Variants in DMD observed in about 807,000 individuals in gnomAD.
DMD encodes the protein mutant dystrophin.
In DMD, 63 loss-of-function variants were observed where a neutral mutation model predicts 330.1. The ratio of observed to expected loss-of-function variants is 0.19; its 90% CI spans 0.16 to 0.24. DMD has a LOEUF of 0.24. Ranked by LOEUF, DMD falls within the 10% of genes least tolerant of loss-of-function variation. DMD has a pLI of 1.00. For synonymous variants in DMD, 1,223 were observed against 959.8 expected (o/e 1.27, Z -5.07); for missense variants, 3,344 against 2,684.1 (o/e 1.25, Z -5.43).
At chrX:32,548,985 T>G (rs1369851562) in intron 16 of DMD, among the ~76,000 whole-genome samples, 2 of 112,093 alleles carry the variant, frequency 1.8e-5, no homozygotes. Context: ...CCAGTCACCT[T>G]TCTTCATTTT....
intron 9 of DMD, among the ~76,000 whole-genome samples, chrX:32,688,410 T>C (rs2063037810): frequency 8.9e-6 from 1 of 112,377 alleles, no homozygotes; most frequent in Non-Finnish European, 1.9e-5. Context: ...CATTCTACAT[T>C]TTTTGACTTA....
intron 45 of DMD, among the ~76,000 whole-genome samples, chrX:31,946,681 A>G (rs1315843304): frequency 9.0e-6 from 1 of 111,622 alleles, no homozygotes; most frequent in East Asian, 2.8e-4. Context: ...AATAGAGTCA[A>G]GGCAGTGTAA....
chrX:33,290,958 A>T (rs1359268379), intron 1 of DMD, among the ~76,000 whole-genome samples: 1 of 111,668 alleles, frequency 9.0e-6, no homozygotes, highest in East Asian at 2.8e-4. Context: ...CAACAAAAAA[A>T]GAAAATTTCA....
intron 41 of DMD, among the ~76,000 whole-genome samples, chrX:32,324,947 A>G (rs753408107): frequency 8.1e-5 from 9 of 111,403 alleles, no homozygotes; most frequent in Non-Finnish European, 1.5e-4. Context: ...ATAATCCAGA[A>G]ATGTAGAAGA....
At chrX:31,859,742 T>A (rs972333433) in intron 48 of DMD, among the ~76,000 whole-genome samples, 1 of 112,652 alleles carries the variant, frequency 8.9e-6, no homozygotes, top group Non-Finnish European at 1.9e-5. Flanking sequence ...CCAAATTTTT[T>A]AAAAAGTTAT....
chrX:32,614,386 T>C lies in DMD; in HGVS notation c.1399A>G (p.Thr467Ala). ...LKELNDWLTKTEERTRKMEEE... is the reference protein window; with the variant it reads ...LKELNDWLTKAEERTRKMEEE... Reference sequence around the variant, plus strand: ...TCCATTTTCCTTGTTCTTTCTTCTGTTTTTGTTAGCCAGTCATTCAACTCT... The same window carrying C: ...TCCATTTTCCTTGTTCTTTCTTCTGCTTTTGTTAGCCAGTCATTCAACTCT... Residue 467 changes from threonine to alanine, a missense_variant, in exon 12 of 79, where the codon ACA becomes GCA. Coordinates refer to ENST00000357033, the MANE Select transcript of DMD (RefSeq NM_004006.3). 1 of 1,207,588 alleles carries C rather than the reference T, an allele frequency of 8.3e-7. No individual in the cohort carries two copies. The highest frequency in any genetic ancestry group is 1.1e-6 in the Non-Finnish European group (1 of 892,671).
At chrX:31,622,625 C>G (rs1206199397) in intron 55 of DMD, among the ~76,000 whole-genome samples, 2 of 108,955 alleles carry the variant, frequency 1.8e-5, no homozygotes, top group African/African-American at 6.7e-5. Flanking sequence ...ATCTGCAAAC[C>G]AGGAAGAGGG....
chrX:31,800,154 T>G (rs1031722171), intron 50 of DMD, among the ~76,000 whole-genome samples: 6 of 112,768 alleles, frequency 5.3e-5, no homozygotes, highest in Non-Finnish European at 1.1e-4. Context: ...CACTAGGCAG[T>G]GCCCCAGTGG....
intron 48 of DMD, among the ~76,000 whole-genome samples, chrX:31,848,615 T>G (rs2093468321): frequency 9.0e-6 from 1 of 111,057 alleles, no homozygotes; most frequent in Non-Finnish European, 1.9e-5. Flanking sequence ...CGAGGAGAGT[T>G]TGATTTTCTT....
At chrX:32,519,047 A>G (rs1250292417) in intron 17 of DMD, among the ~76,000 whole-genome samples, 11 of 73,341 alleles carry the variant, frequency 1.5e-4, no homozygotes, top group Non-Finnish European at 2.4e-4. Flanking sequence ...TGGAGCCACC[A>G]GGGATAAATT....
chrX:32,505,018 T>C (rs2044477783), intron 18 of DMD, among the ~76,000 whole-genome samples: 1 of 112,350 alleles, frequency 8.9e-6, no homozygotes, highest in Admixed American at 9.4e-5. Flanking sequence ...AGTTAATTAA[T>C]AATGAATCAA....
intron 52 of DMD, among the ~76,000 whole-genome samples, chrX:31,689,495 C>A (rs1047206488): frequency 7.1e-5 from 8 of 111,918 alleles, no homozygotes; most frequent in Non-Finnish European, 1.5e-4. Context: ...GAAGAACATT[C>A]CATGCTCATG....
chrX:31,360,327 CTCTT>C (rs998938380), intron 60 of DMD, among the ~76,000 whole-genome samples: 4 of 112,103 alleles, frequency 3.6e-5, no homozygotes, highest in African/African-American at 6.5e-5. Flanking sequence ...AATCAAGTCT[CTCTT>C]TCACCATGTC....
intron 51 of DMD, among the ~76,000 whole-genome samples, chrX:31,761,939 T>TA (rs935212699): frequency 2.7e-5 from 3 of 112,270 alleles, no homozygotes; most frequent in African/African-American, 9.7e-5. Flanking sequence ...CCTTCTTAGC[T>TA]AAAAAAATCC....
chrX:32,581,807 T>A (rs1314496170), intron 13 of DMD, among the ~76,000 whole-genome samples: 2 of 111,731 alleles, frequency 1.8e-5, no homozygotes, highest in African/African-American at 6.5e-5. Context: ...AAGGAAAAAC[T>A]ATGAATCAAA....
chrX:32,615,485 G>C (rs1232524484), intron 11 of DMD, among the ~76,000 whole-genome samples: 1 of 111,539 alleles, frequency 9.0e-6, no homozygotes, highest in African/African-American at 3.3e-5. Flanking sequence ...CAAAATTTGA[G>C]ATGCAAATGA....
At chrX:32,483,563 CACA>C (rs997509845) in intron 21 of DMD, among the ~76,000 whole-genome samples, 4 of 109,033 alleles carry the variant, frequency 3.7e-5, no homozygotes, top group African/African-American at 1.3e-4. Flanking sequence ...GGCTCCTTTG[CACA>C]ACAATTGCTG....
At chrX:33,023,868 T>C (rs901201369) in intron 1 of DMD, among the ~76,000 whole-genome samples, 2 of 111,686 alleles carry the variant, frequency 1.8e-5, no homozygotes, top group Middle Eastern at 4.7e-3. Flanking sequence ...CCTATAACCA[T>C]AAAATCCAAG....
chrX:32,868,479 C>T (rs1270136298), intron 2 of DMD, among the ~76,000 whole-genome samples: 1 of 111,902 alleles, frequency 8.9e-6, no homozygotes, highest in Non-Finnish European at 1.9e-5. Flanking sequence ...ATCACGGTGG[C>T]TACCGGCTTA....
Sources: gnomAD v4.1 joint callset for allele counts (sites outside exome capture counted in the v4.1 genomes callset) on GRCh38, gnomAD v4.1.1 for gene constraint, MANE v1.5 for transcripts, NCBI Gene and HGNC (gene_info 2026-07-23, HGNC 2026-07-21) for gene names.